Variants in TTN observed in about 807,000 individuals in gnomAD.
The protein encoded by TTN is titin.
A neutral mutation model predicts 3,223.0 loss-of-function variants in TTN; 1,525 were observed. The observed-to-expected ratio is 0.47, with a 90% CI of 0.45 to 0.49. TTN has a LOEUF of 0.49. TTN is among the 20% of genes least tolerant of loss of function. The pLI is 0.00. For synonymous variants in TTN, 14,094 were observed against 15,161.0 expected (o/e 0.93, Z 5.17); for missense variants, 40,786 against 43,424.0 (o/e 0.94, Z 5.40).
In TTN at chr2:178,559,968, C is replaced by T; in HGVS notation, c.86164G>A (p.Val28722Ile). 1 of 1,613,802 alleles carries T rather than the reference C, an allele frequency of 6.2e-7. No homozygotes were observed. The highest frequency in any genetic ancestry group is 8.5e-7 in the Non-Finnish European group (1 of 1,179,812). Residue 28722 changes from valine (V) to isoleucine (I), a missense_variant, in exon 326 of 363, where the codon GTT becomes ATT. Physicochemically the swap from Val to Ile is conservative, Grantham distance 29. Coordinates refer to ENST00000589042, the MANE Select transcript of TTN (RefSeq NM_001267550.2). Reference sequence around the variant, plus strand: ...TTATTGACAGATTTTACTCTGAAAACATATTCAGCTCCTGTTGTTAGTCCG... The same window carrying T: ...TTATTGACAGATTTTACTCTGAAAATATATTCAGCTCCTGTTGTTAGTCCG... ...ISGLTTGAEYVFRVKSVNKVG... is the reference protein window; with the variant it reads ...ISGLTTGAEYIFRVKSVNKVG...
Position 178,717,402 on chromosome 2 carries a change from A to T in TTN, c.25352-20T>A. 6.3e-7 allele frequency: 1 copy of T among 1,591,018 alleles called. No individual in the cohort carries two copies. The highest frequency in any genetic ancestry group is 8.6e-7 in the Non-Finnish European group (1 of 1,167,002). On this transcript the variant is annotated intron_variant, in intron 87 of 362. Transcript: ENST00000589042. ...CATGCTCTGAAAAGAATGAAGACCA[A>T]CATGGTGATTTTTATTTCCATGCTC...
intron 329 of TTN, 36 bp from the exon 330 acceptor site, chr2:178,557,180 T>C (rs758516303): frequency 5.3e-5 from 86 of 1,612,460 alleles, no homozygotes; most frequent in South Asian, 2.2e-4. Flanking sequence ...GCGGCACTTA[T>C]AATATTTTGC....
chr2:178,729,609 C>G (rs888495341), intron 63 of TTN, 43 bp from the exon 64 acceptor site: 3 of 1,613,144 alleles, frequency 1.9e-6, no homozygotes, highest in Admixed American at 1.7e-5. Flanking sequence ...CAAGGGAAGA[C>G]CCCAAACTTA....
In TTN at chr2:178,714,306, G is replaced by C; in HGVS notation, c.26468C>G (p.Thr8823Arg). ...NDAGMQECFA[T>R]LSVLEPATIV... is the part of the protein sequence containing the mutation. Reference sequence around the variant, plus strand: ...TTTTTACTAACCGAGAACGGATAGCGTGGCGAAGCACTCTTGCATCCCAGC... The same window carrying C: ...TTTTTACTAACCGAGAACGGATAGCCTGGCGAAGCACTCTTGCATCCCAGC... Residue 8823 changes from threonine to arginine, a missense_variant, in exon 91 of 363, where the codon ACG becomes AGG. By Grantham distance (71) the Thr-to-Arg change is moderately conservative (BLOSUM62 -1). Coordinates refer to ENST00000589042, the MANE Select transcript of TTN (RefSeq NM_001267550.2). The C allele has an allele frequency of 6.2e-7, 1 of 1,612,478 alleles. No individual in the cohort carries two copies. The highest frequency in any genetic ancestry group is 8.5e-7 in the Non-Finnish European group (1 of 1,178,698).
rs2154162553 is a variant in TTN at position 178,564,349 on chromosome 2, A to G, written c.81783T>C (p.Ser27261=). The G allele has an allele frequency of 3.1e-6, 5 of 1,613,752 alleles. No individual in the cohort carries two copies. Among genetic ancestry groups the G allele is most frequent in the Non-Finnish European group, 4.2e-6 (5 of 1,179,774 alleles). Residue 27261 remains serine (S), a synonymous_variant, in exon 326 of 363, where the codon AGT becomes AGC. Coordinates refer to ENST00000589042, the MANE Select transcript of TTN (RefSeq NM_001267550.2). ...TTTCATCTCTTGCAGTAATGGCACCACTACTATCAGATGGTTCACTAAAGT... is the reference window on the plus strand; with the variant it reads ...TTTCATCTCTTGCAGTAATGGCACCGCTACTATCAGATGGTTCACTAAAGT... ...AGNFSEPSDS[S]GAITARDEID... is the part of the protein sequence containing the mutation.
At position 178,598,496 on chromosome 2, in the gene TTN, G is replaced by A. The variant is rs964238156; in HGVS notation, c.57111+10C>T. The A allele has an allele frequency of 6.2e-7, 1 of 1,604,634 alleles. No homozygotes were observed. The highest frequency in any genetic ancestry group is 1.3e-5 in the African/African-American group (1 of 74,248). ...TCATAGTGCATTTCCTTAGTGCCAA[G>A]TTTTCCTACCTTTTCCCATTCTTCT... On this transcript the variant is annotated intron_variant, in intron 292 of 362. Coordinates refer to ENST00000589042, the MANE Select transcript of TTN (RefSeq NM_001267550.2).
chr2:178,671,100 T>A lies in TTN; in HGVS notation c.35298A>T (p.Pro11766=). ...PPTKVVPRKE[P]PAKVPEVPKK... ...TCACAAAGAAGATACCTTTAGCTGG[T>A]GGCTCTTTTCGAGGAACAACTTTAG... The change falls in exon 156 of 363, where the codon CCA becomes CCT. Residue 11766 remains proline, a synonymous_variant. Transcript: ENST00000589042. 6.2e-7 allele frequency: 1 copy of A among 1,606,648 alleles called. No homozygotes were observed. Among genetic ancestry groups the A allele is most frequent in the South Asian group, 1.1e-5 (1 of 89,748 alleles).
In TTN at chr2:178,653,115, G is replaced by C; in HGVS notation, c.38801C>G (p.Ala12934Gly). 6.2e-7 allele frequency: 1 copy of C among 1,612,728 alleles called. No homozygotes were observed. Among genetic ancestry groups the C allele is most frequent in the Non-Finnish European group, 8.5e-7 (1 of 1,179,388 alleles). The change falls in exon 199 of 363, where the codon GCT (alanine) becomes GGT (glycine). Residue 12934 changes from alanine to glycine, a missense_variant. By Grantham distance (60) the Ala-to-Gly change is moderately conservative (BLOSUM62 0). Coordinates refer to ENST00000589042, the MANE Select transcript of TTN (RefSeq NM_001267550.2). ...PEVPPVKVPE[A>G]PKEVVPEKKV... is the part of the protein sequence containing the mutation. ...CTTTTCAGGAACAACTTCTTTGGGA[G>C]CCTCTGGCACTTAAAAGATATTAGG...
chr2:178,715,858 C>T lies in TTN; in HGVS notation c.25640-84G>A, dbSNP rs544507893. ...GATGAGGTGGAAAAAATAATCTTTG[C>T]TAGAGAGGTCTTTAGCTCTGGAAAA... On this transcript the variant is annotated intron_variant, in intron 88 of 362. Transcript: ENST00000589042. The T allele has an allele frequency of 3.2e-5, 43 of 1,362,314 alleles. No individual in the cohort carries two copies. The African/African-American group carries it at 5.0e-4, about 16-fold the overall frequency. 84.4% of individuals were successfully genotyped at this position (1,362,314 alleles called of 1,614,324 possible). A position where few individuals can be genotyped will look rare whatever the true frequency, so the allele number is the denominator to read the frequency against.
In TTN at chr2:178,528,385, C is replaced by G; in HGVS notation, c.107266G>C (p.Val35756Leu). 1 of 1,613,966 alleles carries G rather than the reference C, an allele frequency of 6.2e-7. No homozygotes were observed. The highest frequency in any genetic ancestry group is 8.5e-7 in the Non-Finnish European group (1 of 1,179,866). The change falls in exon 361 of 363, where the codon GTA becomes CTA. Residue 35756 changes from valine (V) to leucine (L), a missense_variant. Physicochemically the swap from Val to Leu is conservative, Grantham distance 32. Transcript: ENST00000589042. ...GCATTTCGGATTTCAAGGGAGTATACATTTCTGGAGCGGCTTATGCTGACA... is the reference window on the plus strand; with the variant it reads ...GCATTTCGGATTTCAAGGGAGTATAGATTTCTGGAGCGGCTTATGCTGACA... ...SNVSISRSRN[V>L]YSLEIRNASV...
At position 178,625,883 on chromosome 2, in the gene TTN, G is replaced by A. The variant is rs116037297; in HGVS notation, c.44425-487C>T. Among the ~76,000 whole-genome samples, 1,193 of 152,042 alleles carry A rather than the reference G, an allele frequency of 7.8e-3. 20 individuals carry two copies. Among genetic ancestry groups the A allele is most frequent in the African/African-American group, 0.028 (1,144 of 41,522 alleles). Reference sequence around the variant, plus strand: ...TGGGATCTTTCAAGAAAATTTTAGGGTTTCATAGTTACCTTTATATAATTA... The same window carrying A: ...TGGGATCTTTCAAGAAAATTTTAGGATTTCATAGTTACCTTTATATAATTA... On this transcript the variant is annotated intron_variant, in intron 240 of 362. Coordinates refer to ENST00000589042, the MANE Select transcript of TTN (RefSeq NM_001267550.2).
chr2:178,595,429 A>G, intron 295 of TTN, 78 bp downstream of exon 295: 1 of 1,344,938 alleles, frequency 7.4e-7, no homozygotes, highest in Non-Finnish European at 1.0e-6. Flanking sequence ...CGGCATTTAT[A>G]CACATATTTT....
Position 178,607,618 on chromosome 2 carries a change from A to G in TTN, c.53070T>C (p.Leu17690=). ...GGIQIMAGKT[L]RIPAVVTGRP... is the part of the protein sequence containing the mutation. The stretch of plus-strand genomic sequence containing the variant: ...GACCAGTCACCACAGCTGGAATTCT[A>G]AGAGTCTTCCCAGCCATTATTTGTA... Residue 17690 remains leucine, a synonymous_variant, in exon 277 of 363, where the codon CTT becomes CTC. Coordinates refer to ENST00000589042, the MANE Select transcript of TTN (RefSeq NM_001267550.2). The G allele has an allele frequency of 6.2e-7, 1 of 1,613,078 alleles. No homozygotes were observed. The highest frequency in any genetic ancestry group is 8.5e-7 in the Non-Finnish European group (1 of 1,179,400).
chr2:178,643,962 T>G (rs1207602849), intron 218 of TTN, among the ~76,000 whole-genome samples: 1 of 151,992 alleles, frequency 6.6e-6, no homozygotes, highest in African/African-American at 2.4e-5. Context: ...AGATGAGACC[T>G]TATTAGGGAA....
rs2052438670 is a variant in TTN, at chr2:178,598,669, T to C, written c.56963-15A>G. 6.2e-7 allele frequency: 1 copy of C among 1,602,098 alleles called. No homozygotes were observed. Among genetic ancestry groups the C allele is most frequent in the Admixed American group, 1.8e-5 (1 of 56,384 alleles). ...ACCAGGAGGGGCTGCAAAGAGCCAGTATACGTTAGTATTCTTGACTTTTCC... is the reference window on the plus strand; with the variant it reads ...ACCAGGAGGGGCTGCAAAGAGCCAGCATACGTTAGTATTCTTGACTTTTCC... On this transcript the variant is annotated splice_polypyrimidine_tract_variant and intron_variant, in intron 291 of 362. Coordinates refer to ENST00000589042, the MANE Select transcript of TTN (RefSeq NM_001267550.2).
chr2:178,605,773 T>C (rs2054628067), intron 278 of TTN, 60 bp from the exon 279 acceptor site: 1 of 1,306,556 alleles, frequency 7.7e-7, no homozygotes, highest in Non-Finnish European at 1.0e-6. Context: ...TAAGAAATAA[T>C]ATTTCACTTC....
Position 178,621,547 on chromosome 2 carries a change from G to A in TTN, c.45277C>T (p.His15093Tyr). The change falls in exon 245 of 363, where the codon CAC (histidine) becomes TAC (tyrosine). Residue 15093 changes from histidine to tyrosine, a missense_variant. Transcript: ENST00000589042. ...TTGTAGTTGCCAGCATCCTCAAGGT[G>A]AGCGTTCTGAATGACCAGGATTCTC... ...RKRILVIQNAHLEDAGNYNCR... is the reference protein window; with the variant it reads ...RKRILVIQNAYLEDAGNYNCR... 1 of 1,612,486 alleles carries A rather than the reference G, an allele frequency of 6.2e-7. No homozygotes were observed. The highest frequency in any genetic ancestry group is 8.5e-7 in the Non-Finnish European group (1 of 1,179,090).
rs890589931 is a variant in TTN at position 178,776,726 on chromosome 2, C to T, written c.5138G>A (p.Arg1713Lys). 31 of 1,613,948 alleles carry T rather than the reference C, an allele frequency of 1.9e-5. No individual in the cohort carries two copies. The highest frequency in any genetic ancestry group is 2.5e-5 in the Non-Finnish European group (30 of 1,180,020). The part of the protein sequence containing the change: ...PFFKKKLTSL[R>K]LKRFGPAHFE... ...GTGGGCAGGCCCAAAGCGCTTAAGT[C>T]TTAAGGAAGTGAGTTTTTTCTTGAA... is the stretch of plus-strand genomic sequence containing the variant. The change falls in exon 28 of 363, where the codon AGA (arginine) becomes AAA (lysine). Residue 1713 changes from arginine to lysine, a missense_variant. By Grantham distance (26) the Arg-to-Lys change is conservative (BLOSUM62 2). Coordinates refer to ENST00000589042, the MANE Select transcript of TTN (RefSeq NM_001267550.2).
In TTN at chr2:178,587,192, A is replaced by G. The variant is rs2049206770; in HGVS notation, c.64019T>C (p.Val21340Ala). Reference sequence around the variant, plus strand: ...AGGGCCATATTCGTTGACAGCAGTTACTCTGAAGTAATACTCATTCCCAGG... The same window carrying G: ...AGGGCCATATTCGTTGACAGCAGTTGCTCTGAAGTAATACTCATTCCCAGG... ...LVPGNEYYFR[V>A]TAVNEYGPGV... Residue 21340 changes from valine (V) to alanine (A), a missense_variant, in exon 307 of 363, where the codon GTA becomes GCA. Coordinates refer to ENST00000589042, the MANE Select transcript of TTN (RefSeq NM_001267550.2). The G allele has an allele frequency of 6.2e-7, 1 of 1,613,244 alleles. No homozygotes were observed. The highest frequency in any genetic ancestry group is 8.5e-7 in the Non-Finnish European group (1 of 1,179,448).
Sources: gnomAD v4.1 joint callset for allele counts (sites outside exome capture counted in the v4.1 genomes callset) on GRCh38, gnomAD v4.1.1 for gene constraint, MANE v1.5 for transcripts, NCBI Gene and HGNC (gene_info 2026-07-23, HGNC 2026-07-21) for gene names.